PTPRT: variants seen among roughly 807,000 people sequenced by gnomAD.
The protein encoded by PTPRT is receptor-type tyrosine-protein phosphatase T.
A neutral mutation model predicts 176.8 loss-of-function variants in PTPRT; 56 were observed. That is an observed-to-expected ratio of 0.32 (90% CI 0.26 to 0.40). The LOEUF is 0.40. PTPRT is among the 10% of genes least tolerant of loss of function. The pLI is 1.00. For synonymous variants in PTPRT, 783 were observed against 739.0 expected (o/e 1.06, Z -0.96); for missense variants, 1,540 against 1,908.2 (o/e 0.81, Z 3.60).
chr20:42,985,775 T>C (rs1983537121), intron 1 of PTPRT, among the ~76,000 whole-genome samples: 1 of 152,004 alleles, frequency 6.6e-6, no homozygotes, highest in South Asian at 2.1e-4. Flanking sequence ...ACTGAGAAGA[T>C]GTTCAAAGTC....
chr20:42,545,526 C>T (rs1353626408), intron 7 of PTPRT, among the ~76,000 whole-genome samples: 1 of 152,150 alleles, frequency 6.6e-6, no homozygotes, highest in Non-Finnish European at 1.5e-5. Flanking sequence ...AATTCCCCAG[C>T]CTATCCTGAG....
intron 7 of PTPRT, among the ~76,000 whole-genome samples, chr20:42,634,023 A>ATATATAT: frequency 3.6e-5 from 1 of 27,864 alleles, no homozygotes; most frequent in Admixed American, 7.2e-4. Flanking sequence ...TATATATATA[A>ATATATAT]TATATATATT....
intron 9 of PTPRT, among the ~76,000 whole-genome samples, chr20:42,423,006 G>A (rs1271705301): frequency 6.6e-6 from 1 of 151,856 alleles, no homozygotes; most frequent in Non-Finnish European, 1.5e-5. Context: ...AAAACACAGG[G>A]ACACATAGAG....
At chr20:42,093,348 C>T (rs1348691759) in intron 27 of PTPRT, among the ~76,000 whole-genome samples, 4 of 152,212 alleles carry the variant, frequency 2.6e-5, no homozygotes, top group African/African-American at 9.6e-5. Context: ...AATCTGACCA[C>T]AGACATTTGG....
chr20:42,252,422 G>A (rs2056563300), intron 13 of PTPRT, among the ~76,000 whole-genome samples: 1 of 152,128 alleles, frequency 6.6e-6, no homozygotes, highest in African/African-American at 2.4e-5. Flanking sequence ...AAGAGTGGAA[G>A]GAGAAACAGA....
At chr20:43,050,813 G>A (rs1053856963) in intron 1 of PTPRT, among the ~76,000 whole-genome samples, 8 of 152,194 alleles carry the variant, frequency 5.3e-5, no homozygotes, top group African/African-American at 1.9e-4. Context: ...AGATGGGCCT[G>A]ATCTCTGTCC....
chr20:42,202,478 T>C (rs1991493343), intron 15 of PTPRT, among the ~76,000 whole-genome samples: 1 of 152,056 alleles, frequency 6.6e-6, no homozygotes, highest in Admixed American at 6.6e-5. Flanking sequence ...CAACAAGAAA[T>C]GAAGCATTGG....
intron 17 of PTPRT, among the ~76,000 whole-genome samples, chr20:42,154,911 T>C (rs2146475434): frequency 6.6e-6 from 1 of 152,260 alleles, no homozygotes; most frequent in South Asian, 2.1e-4. Flanking sequence ...CAGAATCACA[T>C]GCTCTTGACT....
intron 12 of PTPRT, among the ~76,000 whole-genome samples, chr20:42,312,266 C>G (rs375832266): frequency 6.6e-6 from 1 of 152,068 alleles, no homozygotes; most frequent in East Asian, 1.9e-4. Flanking sequence ...CCCTGGATAC[C>G]GAGAATGGCT....
chr20:43,008,270 A>G (rs1984953851), intron 1 of PTPRT, among the ~76,000 whole-genome samples: 1 of 152,208 alleles, frequency 6.6e-6, no homozygotes, highest in African/African-American at 2.4e-5. Context: ...AAGGGGCTCC[A>G]GAAAGATCCC....
downstream of PTPRT, among the ~76,000 whole-genome samples, chr20:42,068,346 A>G (rs1982167126): frequency 6.6e-6 from 1 of 152,144 alleles, no homozygotes; most frequent in Non-Finnish European, 1.5e-5. Context: ...TTAGGCTGAG[A>G]ATATTTGAAG....
At chr20:43,184,644 G>A (rs1224232472) in intron 1 of PTPRT, among the ~76,000 whole-genome samples, 1 of 151,772 alleles carries the variant, frequency 6.6e-6, no homozygotes, top group Non-Finnish European at 1.5e-5. Context: ...CTGAGATCAC[G>A]CCACCGTGCT....
At chr20:42,865,092 C>A (rs1463621001) in intron 2 of PTPRT, among the ~76,000 whole-genome samples, 2 of 152,202 alleles carry the variant, frequency 1.3e-5, no homozygotes. Context: ...TCTCTTCATT[C>A]CTGTATTGTG....
At chr20:42,393,304 T>C (rs773762087) in intron 9 of PTPRT, among the ~76,000 whole-genome samples, 48 of 152,218 alleles carry the variant, frequency 3.2e-4, no homozygotes, top group Non-Finnish European at 4.7e-4. Context: ...TCCATCTTCA[T>C]TGTAACCCTT....
intron 9 of PTPRT, among the ~76,000 whole-genome samples, chr20:42,431,838 A>G (rs2059217966): frequency 6.6e-6 from 1 of 151,724 alleles, no homozygotes; most frequent in Admixed American, 6.6e-5. Flanking sequence ...TCTAACATAG[A>G]CTCTCTCACC....
At chr20:42,786,804 T>C (rs142526484) in intron 3 of PTPRT, among the ~76,000 whole-genome samples, 55 of 152,326 alleles carry the variant, frequency 3.6e-4, no homozygotes, top group African/African-American at 1.2e-3. Context: ...ATACTTTATG[T>C]CTACAGTCAA....
At chr20:42,260,367 C>T (rs2056727935) in intron 13 of PTPRT, among the ~76,000 whole-genome samples, 1 of 152,178 alleles carries the variant, frequency 6.6e-6, no homozygotes, top group Non-Finnish European at 1.5e-5. Context: ...GTGCTTTGAG[C>T]CTGGAGCTCA....
chr20:42,648,412 G>C (rs2074955031), intron 7 of PTPRT, among the ~76,000 whole-genome samples: 1 of 152,128 alleles, frequency 6.6e-6, no homozygotes, highest in South Asian at 2.1e-4. Flanking sequence ...GGCCTCAGCA[G>C]CCTGATGCTC....
At chr20:42,813,353 G>GC (rs927156319) in intron 2 of PTPRT, among the ~76,000 whole-genome samples, 2 of 151,670 alleles carry the variant, frequency 1.3e-5, no homozygotes, top group African/African-American at 2.4e-5. Context: ...GTATATTACA[G>GC]CCCCCTGCTT....
Sources: allele counts gnomAD v4.1 joint callset (sites outside exome capture counted in the v4.1 genomes callset), GRCh38; gene constraint gnomAD v4.1.1; transcripts MANE v1.5; gene names NCBI Gene and HGNC (gene_info 2026-07-23, HGNC 2026-07-21).